The following USP20 variants were observed in gnomAD, a reference collection of about 807,000 sequenced individuals.
USP20 encodes ubiquitin carboxyl-terminal hydrolase 20.
Under a neutral mutation model 124.2 loss-of-function variants are expected in USP20, and 80 were observed. The ratio of observed to expected loss-of-function variants is 0.64; its 90% CI spans 0.54 to 0.78. The LOEUF (loss-of-function observed/expected upper bound fraction) is 0.78, where lower values mean the gene tolerates loss of function less well. Ranked by LOEUF, USP20 falls within the 30% of genes least tolerant of loss-of-function variation. USP20 has a pLI of 0.00. For missense variants in USP20, 1,043 were observed against 1,244.4 expected (o/e 0.84, Z 2.44); for synonymous variants, 481 against 512.3 (o/e 0.94, Z 0.83).
intron 12 of USP20, 108 bp from the exon 13 acceptor site, chr9:129,869,202 T>C: frequency 1.5e-6 from 2 of 1,342,272 alleles, no homozygotes; most frequent in Non-Finnish European, 2.1e-6. Context: ...TACCCAGTCA[T>C]GTGACTCACG....
intron 13 of USP20, 119 bp from the exon 14 acceptor site, chr9:129,869,553 T>A (rs892147774): frequency 7.2e-6 from 11 of 1,532,752 alleles, no homozygotes; most frequent in Non-Finnish European, 8.9e-6. Flanking sequence ...GGGCCCTGCC[T>A]GCGTGGATCC....
chr9:129,841,808 G>A (rs2032230694), intron 1 of USP20, among the ~76,000 whole-genome samples: 1 of 152,118 alleles, frequency 6.6e-6, no homozygotes, highest in Non-Finnish European at 1.5e-5. Context: ...ATCTCAGGAA[G>A]CGCACCAAGA....
intron 6 of USP20, among the ~76,000 whole-genome samples, chr9:129,860,527 G>T (rs2033487571): frequency 6.6e-6 from 1 of 152,112 alleles, no homozygotes; most frequent in Non-Finnish European, 1.5e-5. Flanking sequence ...ACTTTGGGAG[G>T]ATCACTGGAG....
chr9:129,846,241 ATATATATTTT>A (rs1387698130), intron 1 of USP20, among the ~76,000 whole-genome samples: 1 of 26,504 alleles, frequency 3.8e-5, no homozygotes, highest in African/African-American at 9.7e-5. Context: ...ATATATATAT[ATATATATTTT>A]TTTTTTTTTT....
At chr9:129,852,161 C>T (rs754772121) in intron 2 of USP20, among the ~76,000 whole-genome samples, 14 of 152,158 alleles carry the variant, frequency 9.2e-5, no homozygotes, top group Non-Finnish European at 1.9e-4. Flanking sequence ...ATGGATTTGG[C>T]CTCCTCTAAC....
Position 129,870,110 on chromosome 9 carries a change from G to A in USP20, c.1565+266G>A, listed in dbSNP as rs183432053. ...CACATGGCAGGTTGAAGGGAGGGCAGCAGCAGGACACAGGCCTGGTTGGCG... is the reference window on the plus strand; with the variant it reads ...CACATGGCAGGTTGAAGGGAGGGCAACAGCAGGACACAGGCCTGGTTGGCG... On this transcript the variant is annotated intron_variant, in intron 14 of 25. Transcript: ENST00000372429. 3.3e-5 allele frequency: 19 copies of A among 575,816 alleles called. No individual in the cohort carries two copies. In the East Asian group the frequency reaches 5.6e-4, roughly 17 times the overall value. The allele number at this position is 575,816 out of a possible 1,614,324, so 35.7% of individuals were successfully genotyped here.
intron 1 of USP20, among the ~76,000 whole-genome samples, chr9:129,844,166 A>G (rs554695175): frequency 2.0e-5 from 3 of 152,190 alleles, no homozygotes; most frequent in Non-Finnish European, 4.4e-5. Context: ...ACGTCCTATG[A>G]TGGATAAATA....
At chr9:129,848,480 C>T (rs563177626) in intron 1 of USP20, among the ~76,000 whole-genome samples, 2 of 151,144 alleles carry the variant, frequency 1.3e-5, no homozygotes, top group African/African-American at 4.9e-5. Context: ...ATTGCACTTG[C>T]AAATCAAGAG....
Position 129,880,206 on chromosome 9 carries a change from C to G in USP20, c.2678C>G (p.Ala893Gly). Residue 893 changes from alanine to glycine, a missense_variant, in exon 25 of 26, where the codon GCG (alanine) becomes GGG (glycine). Coordinates refer to ENST00000372429, the MANE Select transcript of USP20 (RefSeq NM_001110303.4). ...GPEIAIRQSV[A>G]QPLGPENLHG... is the part of the protein sequence containing the mutation. The stretch of plus-strand genomic sequence containing the variant: ...GAGATTGCCATCCGCCAGAGTGTGG[C>G]GCAGCCGCTGGGCCCAGAGAACCTG... 6.2e-7 allele frequency: 1 copy of G among 1,613,674 alleles called. No homozygotes were observed. The highest frequency in any genetic ancestry group is 8.5e-7 in the Non-Finnish European group (1 of 1,179,956).
At chr9:129,854,369 G>A (rs2033102176) in intron 3 of USP20, among the ~76,000 whole-genome samples, 1 of 152,150 alleles carries the variant, frequency 6.6e-6, no homozygotes, top group African/African-American at 2.4e-5. Flanking sequence ...GAAAGGAATG[G>A]GGGAATCAAT....
In USP20 at chr9:129,874,741, C is replaced by G. The variant is rs1483236701; in HGVS notation, c.1906C>G (p.His636Asp). The change falls in exon 18 of 26, where the codon CAC becomes GAC. Residue 636 changes from histidine to aspartate, a missense_variant. Transcript: ENST00000372429. The stretch of plus-strand genomic sequence containing the variant: ...CGACCTCCTCTCGGTCATCTGCCAC[C>G]ACGGCACGGCAGGCAGTGAGTCATG... ...TYDLLSVICH[H>D]GTAGSGHYIA... is the part of the protein sequence containing the mutation. 6.2e-7 allele frequency: 1 copy of G among 1,613,788 alleles called. No homozygotes were observed. Among genetic ancestry groups the G allele is most frequent in the Admixed American group, 1.7e-5 (1 of 60,008 alleles).
intron 15 of USP20, among the ~76,000 whole-genome samples, chr9:129,870,923 T>G (rs2034089846): frequency 1.3e-5 from 2 of 152,244 alleles, no homozygotes; most frequent in South Asian, 4.1e-4. Context: ...TTGTTCTTTT[T>G]CTCCGTTGGC....
chr9:129,861,660 C>T (rs1310373481), intron 8 of USP20, 48 bp downstream of exon 8: 1 of 1,585,018 alleles, frequency 6.3e-7, no homozygotes. Flanking sequence ...CTGGCAAAGC[C>T]CCGGAAACAG....
intron 25 of USP20, 31 bp from the exon 26 acceptor site, chr9:129,880,436 G>C: frequency 1.0e-6 from 1 of 959,932 alleles, no homozygotes; most frequent in Non-Finnish European, 1.5e-6. Flanking sequence ...ACATGGCCCG[G>C]CCCCACTGCT....
chr9:129,836,540 C>T (rs145663629), intron 1 of USP20, among the ~76,000 whole-genome samples: 5 of 152,198 alleles, frequency 3.3e-5, no homozygotes, highest in African/African-American at 9.6e-5. Flanking sequence ...GCTGCTGTTA[C>T]ATCTCATTGG....
intron 3 of USP20, among the ~76,000 whole-genome samples, chr9:129,853,364 C>G (rs1165301665): frequency 6.6e-6 from 1 of 152,206 alleles, no homozygotes; most frequent in Non-Finnish European, 1.5e-5. Flanking sequence ...CATTTGTTAC[C>G]TTGAAGCTGC....
chr9:129,852,602 AG>A lies in USP20; in HGVS notation c.49del (p.Val17Ter). ...TGCCCTCACCTTGACTCCATAGGAGAGGTGACCAAAGAGGACTTGCTGCTCA... is the reference window on the plus strand; with the variant it reads ...TGCCCTCACCTTGACTCCATAGGAGAGTGACCAAAGAGGACTTGCTGCTCA... ...DLCPHLDSIG[E>X]VTKEDLLLKS... is the part of the protein sequence containing the mutation. On this transcript the variant is annotated frameshift_variant, in exon 3 of 26. Transcript: ENST00000372429. LOFTEE classifies it high-confidence loss of function. 1 of 1,599,100 alleles carries A rather than the reference AG, an allele frequency of 6.3e-7. No homozygotes were observed. Among genetic ancestry groups the A allele is most frequent in the Non-Finnish European group, 8.5e-7 (1 of 1,172,108 alleles).
At chr9:129,866,907 T>C (rs1108532) in intron 10 of USP20, among the ~76,000 whole-genome samples, 134,469 of 152,202 alleles carry the variant, frequency 0.88, 59,593 homozygotes, top group East Asian at 1. Context: ...CCTGATGCAA[T>C]GTAACCTCGT....
rs2033510124 is a variant in USP20 at position 129,860,917 on chromosome 9, A to G, written c.331-20A>G. 23 of 1,612,522 alleles carry G rather than the reference A, an allele frequency of 1.4e-5. No homozygotes were observed. The highest frequency in any genetic ancestry group is 1.9e-5 in the Non-Finnish European group (22 of 1,178,706). On this transcript the variant is annotated intron_variant, in intron 6 of 25. Coordinates refer to ENST00000372429, the MANE Select transcript of USP20 (RefSeq NM_001110303.4). ...AGCCCCTCTGTTCACTGTTTTCCTC[A>G]CTTTGGGTCTTTAACACAGGACTCC...
Sources: allele counts gnomAD v4.1 joint callset (sites outside exome capture counted in the v4.1 genomes callset), GRCh38; gene constraint gnomAD v4.1.1; transcripts MANE v1.5; gene names NCBI Gene and HGNC (gene_info 2026-07-23, HGNC 2026-07-21).